The following PKP4 variants were observed in gnomAD, a reference collection of about 807,000 sequenced individuals.
PKP4 encodes the protein plakophilin-4.
Under a neutral mutation model 145.1 loss-of-function variants are expected in PKP4, and 90 were observed. The ratio of observed to expected loss-of-function variants is 0.62; its 90% CI spans 0.52 to 0.74. PKP4 has a LOEUF of 0.74. PKP4 is among the 30% of genes least tolerant of loss of function. The pLI is 0.00. For missense variants in PKP4, 1,340 were observed against 1,482.7 expected, an observed-to-expected ratio of 0.90 and a Z score of 1.58; for synonymous variants, 563 against 577.2, an observed-to-expected ratio of 0.98 and a Z score of 0.35.
chr2:158,595,089 A>G (rs188537116), intron 3 of PKP4, among the ~76,000 whole-genome samples: 20 of 152,356 alleles, frequency 1.3e-4, no homozygotes, highest in African/African-American at 4.8e-4. Flanking sequence ...ACGTTAAGAC[A>G]GAGAGCATAA....
At chr2:158,615,951 A>G (rs1478984864) in intron 4 of PKP4, among the ~76,000 whole-genome samples, 1 of 152,240 alleles carries the variant, frequency 6.6e-6, no homozygotes, top group Non-Finnish European at 1.5e-5. Context: ...AGAAACCCTC[A>G]AGAACCAGAC....
At chr2:158,658,005 G>A (rs1376466450) in intron 11 of PKP4, 126 bp from the exon 12 acceptor site, 1 of 634,174 alleles carries the variant, frequency 1.6e-6, no homozygotes, top group Non-Finnish European at 2.8e-6. Flanking sequence ...CACCCTGGTT[G>A]CAAATATAGG....
chr2:158,593,042 A>C (rs2049409964), intron 3 of PKP4, among the ~76,000 whole-genome samples: 1 of 152,122 alleles, frequency 6.6e-6, no homozygotes, highest in South Asian at 2.1e-4. Flanking sequence ...AGATGCTTTT[A>C]TGCAGTTCTA....
intron 15 of PKP4, 23 bp downstream of exon 15, chr2:158,663,468 A>G: frequency 6.3e-7 from 1 of 1,593,954 alleles, no homozygotes; most frequent in East Asian, 2.2e-5. Flanking sequence ...CCACTTATCT[A>G]CACTTCTTTC....
intron 4 of PKP4, among the ~76,000 whole-genome samples, chr2:158,620,538 A>G (rs918982966): frequency 6.6e-6 from 1 of 152,240 alleles, no homozygotes; most frequent in African/African-American, 2.4e-5. Flanking sequence ...GACATGAAAT[A>G]TAACATAAAA....
At chr2:158,658,410 C>G (rs2056202843) in intron 12 of PKP4, 96 bp downstream of exon 12, 4 of 738,424 alleles carry the variant, frequency 5.4e-6, no homozygotes, top group African/African-American at 1.8e-5. Context: ...TAACATCTAT[C>G]TAAGTTTCCA....
rs547903141 is a variant in PKP4, at chr2:158,546,708, G to A, written c.132+13392G>A. ...GCATGGGATCTTTGAGGTGGGCACAGGTTAAGGATAAAGAGCAAGGGGATG... is the reference window on the plus strand; with the variant it reads ...GCATGGGATCTTTGAGGTGGGCACAAGTTAAGGATAAAGAGCAAGGGGATG... On this transcript the variant is annotated intron_variant, in intron 2 of 21. Coordinates refer to ENST00000389759, the MANE Select transcript of PKP4 (RefSeq NM_003628.6). Among the ~76,000 whole-genome samples the A allele has an allele frequency of 3.3e-5, 5 of 152,142 alleles. 1 individual carries two copies. Among genetic ancestry groups the A allele is most frequent in the Middle Eastern group, 6.3e-3 (2 of 316 alleles).
At chr2:158,511,219 C>G (rs2105527487) in intron 1 of PKP4, among the ~76,000 whole-genome samples, 1 of 152,294 alleles carries the variant, frequency 6.6e-6, no homozygotes, top group Non-Finnish European at 1.5e-5. Flanking sequence ...AACCCCATAT[C>G]TACTAAAACT....
At chr2:158,502,154 C>G (rs1696679522) in intron 1 of PKP4, among the ~76,000 whole-genome samples, 1 of 152,072 alleles carries the variant, frequency 6.6e-6, no homozygotes, top group African/African-American at 2.4e-5. Flanking sequence ...TTTAAAAAAT[C>G]ATGAAATGAT....
chr2:158,546,956 T>C (rs1371653106), intron 2 of PKP4, among the ~76,000 whole-genome samples: 1 of 152,130 alleles, frequency 6.6e-6, no homozygotes, highest in Non-Finnish European at 1.5e-5. Context: ...ATTGTATATA[T>C]AGAAAATTCT....
At chr2:158,620,155 A>AAAAT (rs2052062846) in intron 4 of PKP4, among the ~76,000 whole-genome samples, 1 of 152,172 alleles carries the variant, frequency 6.6e-6, no homozygotes, top group Non-Finnish European at 1.5e-5. Context: ...ATAAGGGTTA[A>AAAAT]ATGCAAGGAA....
chr2:158,491,115 G>C (rs541086540), intron 1 of PKP4, among the ~76,000 whole-genome samples: 1 of 152,108 alleles, frequency 6.6e-6, no homozygotes, highest in Non-Finnish European at 1.5e-5. Flanking sequence ...TGTTGATTCT[G>C]ACTGCAGTTG....
intron 17 of PKP4, 30 bp downstream of exon 17, chr2:158,669,945 T>G (rs745876095): frequency 6.4e-7 from 1 of 1,558,236 alleles, no homozygotes; most frequent in East Asian, 2.3e-5. Flanking sequence ...GTGCAAGCAG[T>G]GCTCTTATTC....
intron 2 of PKP4, among the ~76,000 whole-genome samples, chr2:158,573,465 T>C (rs956760490): frequency 1.3e-5 from 2 of 152,156 alleles, no homozygotes; most frequent in African/African-American, 4.8e-5. Flanking sequence ...TTATTGTATT[T>C]TAAAATAAAA....
intron 15 of PKP4, among the ~76,000 whole-genome samples, chr2:158,664,851 T>C (rs747209035): frequency 3.3e-5 from 5 of 152,224 alleles, no homozygotes; most frequent in Admixed American, 2.0e-4. Flanking sequence ...GAGGATTTAG[T>C]GAGATACTCC....
chr2:158,554,648 A>G (rs2045933672), intron 2 of PKP4, among the ~76,000 whole-genome samples: 1 of 152,018 alleles, frequency 6.6e-6, no homozygotes, highest in African/African-American at 2.4e-5. Context: ...GATGGTCTCG[A>G]TCTCCTGACC....
Position 158,599,176 on chromosome 2 carries a change from G to A in PKP4, c.246-3894G>A, listed in dbSNP as rs192997491. Among the ~76,000 whole-genome samples the A allele has an allele frequency of 1.7e-3, 260 of 152,302 alleles. 1 individual carries two copies. The highest frequency in any genetic ancestry group is 5.8e-3 in the African/African-American group (241 of 41,564). ...TGAAAAAAATCGCAGTAGTAGCAGC[G>A]TGGAAGAGAGCCTGGCAGGATGAGA... On this transcript the variant is annotated intron_variant, in intron 3 of 21. Transcript: ENST00000389759.
At chr2:158,472,052 ATAAT>A (rs1190322047) in intron 1 of PKP4, among the ~76,000 whole-genome samples, 5 of 152,216 alleles carry the variant, frequency 3.3e-5, no homozygotes, top group African/African-American at 9.7e-5. Context: ...TAAAGAATAT[ATAAT>A]TAGTTAGATT....
chr2:158,515,624 G>A (rs940286139), intron 1 of PKP4, among the ~76,000 whole-genome samples: 3 of 152,154 alleles, frequency 2.0e-5, no homozygotes, highest in Admixed American at 1.3e-4. Context: ...AAAAGCTGAG[G>A]AAAGCCAAAT....
Sources: gnomAD v4.1 joint callset for allele counts (sites outside exome capture counted in the v4.1 genomes callset) on GRCh38, gnomAD v4.1.1 for gene constraint, MANE v1.5 for transcripts, NCBI Gene and HGNC (gene_info 2026-07-23, HGNC 2026-07-21) for gene names.